TNC: variants seen among roughly 807,000 people sequenced by gnomAD.
The protein encoded by TNC is tenascin C.
A neutral mutation model predicts 202.4 loss-of-function variants in TNC; 109 were observed. The observed-to-expected ratio is 0.54, with a 90% CI of 0.46 to 0.63. TNC has a LOEUF of 0.63. Among genes scored for constraint, TNC ranks in the 30% least tolerant of loss-of-function variants. The pLI, the probability that TNC is intolerant of heterozygous loss-of-function variation, is 0.00. For missense variants in TNC, 2,756 were observed against 2,833.3 expected (o/e 0.97, Z 0.62); for synonymous variants, 1,007 against 1,089.7 (o/e 0.92, Z 1.50).
chr9:115,095,113 G>A (rs893062302), intron 1 of TNC, among the ~76,000 whole-genome samples: 1 of 151,970 alleles, frequency 6.6e-6, no homozygotes, highest in Non-Finnish European at 1.5e-5. Flanking sequence ...CTTGTGCAAG[G>A]TTATTATCTG....
intron 26 of TNC, 130 bp downstream of exon 26, chr9:115,026,404 G>A: frequency 1.0e-6 from 1 of 995,514 alleles, no homozygotes; most frequent in Non-Finnish European, 1.5e-6. Flanking sequence ...CACTCAGTAG[G>A]TACTTAAATA....
At chr9:115,087,442 C>T (rs1349934916) in intron 2 of TNC, among the ~76,000 whole-genome samples, 169 bp from the exon 3 acceptor site, 1 of 151,664 alleles carries the variant, frequency 6.6e-6, no homozygotes, top group Non-Finnish European at 1.5e-5. Context: ...AGACTCACAT[C>T]CTGTTATACC....
At chr9:115,063,290 G>T in intron 12 of TNC, 101 bp from the exon 13 acceptor site, 1 of 1,297,634 alleles carries the variant, frequency 7.7e-7, no homozygotes, top group Non-Finnish European at 1.1e-6. Context: ...GAGTTGTCTG[G>T]TTAGTGTTGA....
intron 1 of TNC, among the ~76,000 whole-genome samples, chr9:115,104,685 C>A (rs1407483082): frequency 6.6e-6 from 1 of 152,200 alleles, no homozygotes; most frequent in African/African-American, 2.4e-5. Flanking sequence ...AGTATATCTT[C>A]TCCTCTTCTT....
intron 16 of TNC, among the ~76,000 whole-genome samples, chr9:115,046,986 T>G (rs747310290): frequency 5.3e-5 from 8 of 152,196 alleles, no homozygotes; most frequent in Non-Finnish European, 7.3e-5. Context: ...CACATATTAT[T>G]AAATAAGTTC....
At chr9:115,105,521 G>A (rs1004768700) in intron 1 of TNC, among the ~76,000 whole-genome samples, 3 of 152,120 alleles carry the variant, frequency 2.0e-5, no homozygotes, top group Admixed American at 6.5e-5. Flanking sequence ...CAGGTGAACT[G>A]ATTCACTTGT....
intron 1 of TNC, among the ~76,000 whole-genome samples, chr9:115,103,217 G>A (rs537094029): frequency 6.5e-4 from 99 of 152,296 alleles, no homozygotes; most frequent in African/African-American, 2.3e-3. Flanking sequence ...TTTGAGACAA[G>A]ATTTCTCTAT....
chr9:115,090,508 C>G, intron 2 of TNC, 54 bp downstream of exon 2: 2 of 1,420,118 alleles, frequency 1.4e-6, no homozygotes, highest in Non-Finnish European at 1.9e-6. Flanking sequence ...CTGCTATGCT[C>G]TTCATTTCTC....
At chr9:115,043,547 A>G (rs953287) in intron 17 of TNC, among the ~76,000 whole-genome samples, 92 of 152,344 alleles carry the variant, frequency 6.0e-4, no homozygotes, top group African/African-American at 2.0e-3. Flanking sequence ...ACCCACCCAC[A>G]GGGATGTTTT....
At chr9:115,080,775 G>T (rs1055890936) in intron 6 of TNC, among the ~76,000 whole-genome samples, 4 of 152,004 alleles carry the variant, frequency 2.6e-5, no homozygotes, top group Non-Finnish European at 5.9e-5. Context: ...AGCCAGATGT[G>T]GTGGTGGGAG....
intron 9 of TNC, among the ~76,000 whole-genome samples, chr9:115,075,484 AATTT>A (rs1833775729): frequency 6.6e-6 from 1 of 151,780 alleles, no homozygotes; most frequent in Non-Finnish European, 1.5e-5. Flanking sequence ...GCCTGGTTCC[AATTT>A]TTCTTTAAAA....
rs145523649 is a variant in TNC, at chr9:115,080,442, T to C, written c.2404+1330A>G. ...TGAATTGGCTCTGAGCTAGGCAAAA[T>C]GTGCAAATATTTAAATGCAAGATGT... is the stretch of plus-strand genomic sequence containing the variant. On this transcript the variant is annotated intron_variant, in intron 6 of 27. Transcript: ENST00000350763. Among the ~76,000 whole-genome samples the C allele has an allele frequency of 4.6e-5, 7 of 152,284 alleles. No individual in the cohort carries two copies. The East Asian group carries it at 1.3e-3, about 29-fold the overall frequency.
At chr9:115,051,736 G>C (rs567746034) in intron 15 of TNC, among the ~76,000 whole-genome samples, 1 of 151,894 alleles carries the variant, frequency 6.6e-6, no homozygotes, top group South Asian at 2.1e-4. Flanking sequence ...TTTATGAACA[G>C]GATTTCGATC....
At chr9:115,022,918 A>T (rs1397418171) in intron 27 of TNC, among the ~76,000 whole-genome samples, 30 of 152,112 alleles carry the variant, frequency 2.0e-4, no homozygotes, top group Non-Finnish European at 3.4e-4. Context: ...AAACATGTGT[A>T]TCAAAGTGAC....
At chr9:115,101,633 T>G (rs1241410046) in intron 1 of TNC, among the ~76,000 whole-genome samples, 3 of 152,230 alleles carry the variant, frequency 2.0e-5, no homozygotes, top group Admixed American at 2.0e-4. Flanking sequence ...ATGTTAACAT[T>G]CTTTCAAGAG....
intron 10 of TNC, among the ~76,000 whole-genome samples, 193 bp downstream of exon 10, chr9:115,073,410 T>G (rs961245464): frequency 1.3e-5 from 2 of 152,136 alleles, no homozygotes; most frequent in East Asian, 3.9e-4. Flanking sequence ...GTGGGGGAAA[T>G]TTGCTGTATC....
intron 10 of TNC, among the ~76,000 whole-genome samples, chr9:115,065,954 C>T (rs910447334): frequency 1.8e-4 from 27 of 148,210 alleles, no homozygotes; most frequent in Non-Finnish European, 3.7e-4. Flanking sequence ...GCCTCAATAT[C>T]CTATGGGAGG....
chr9:115,095,938 G>T (rs1018105342), intron 1 of TNC, among the ~76,000 whole-genome samples: 2 of 151,870 alleles, frequency 1.3e-5, no homozygotes, highest in Non-Finnish European at 2.9e-5. Flanking sequence ...CTTTGCATTG[G>T]CACAAAACGC....
At chr9:115,087,698 C>CTTTTTTTTTTTTTTTTTT (rs752435283) in intron 2 of TNC, among the ~76,000 whole-genome samples, 1 of 119,738 alleles carries the variant, frequency 8.4e-6, no homozygotes, top group Non-Finnish European at 1.7e-5. Context: ...TCTTTCTTTT[C>CTTTTTTTTTTTTTTTTTT]TTTTTTTTTT....
Sources: gnomAD v4.1 joint callset for allele counts (sites outside exome capture counted in the v4.1 genomes callset) on GRCh38, gnomAD v4.1.1 for gene constraint, MANE v1.5 for transcripts, NCBI Gene and HGNC (gene_info 2026-07-23, HGNC 2026-07-21) for gene names.